RIC3: variants seen among roughly 807,000 people sequenced by gnomAD.
RIC3 encodes the protein protein RIC-3.
Under a neutral mutation model 27.3 loss-of-function variants are expected in RIC3, and 28 were observed. The observed-to-expected ratio is 1.02, with a 90% CI of 0.76 to 1.41. RIC3 has a LOEUF of 1.41. Among genes scored for constraint, RIC3 ranks in the 40% most tolerant of loss-of-function variants. The pLI is 0.00. For missense variants in RIC3, 501 were observed against 444.7 expected (o/e 1.13, Z -1.14); for synonymous variants, 184 against 160.4 (o/e 1.15, Z -1.11).
intron 4 of RIC3, among the ~76,000 whole-genome samples, chr11:8,130,046 T>G (rs1947499496): frequency 6.6e-6 from 1 of 152,256 alleles, no homozygotes; most frequent in Admixed American, 6.5e-5. Context: ...CCAGTTTGGC[T>G]GTAAATCTCC....
chr11:8,100,306 C>T, the RIC3 span, among the ~76,000 whole-genome samples: 157 of 152,210 alleles, frequency 1.0e-3, no homozygotes, highest in Non-Finnish European at 1.3e-3. Flanking sequence ...GCAAGGATGA[C>T]GCATAAGAGG....
rs555639960 is a variant in RIC3 at position 8,121,227 on chromosome 11, C to T, written c.670+5432G>A. On this transcript the variant is annotated intron_variant, in intron 5 of 5. Coordinates refer to ENST00000309737, the MANE Select transcript of RIC3 (RefSeq NM_001206671.4). Reference sequence around the variant, plus strand: ...AAAATTCCATATAATTTCAACAAAACCTAAAAGGTAGGTAGAGGGGGAACA... The same window carrying T: ...AAAATTCCATATAATTTCAACAAAATCTAAAAGGTAGGTAGAGGGGGAACA... 5.9e-5 allele frequency among the ~76,000 whole-genome samples: 9 copies of T among 152,124 alleles called. No homozygotes were observed. In the South Asian group the frequency reaches 1.7e-3, roughly 28 times the overall value.
intron 1 of RIC3, among the ~76,000 whole-genome samples, chr11:8,141,088 TA>T (rs1202871870): frequency 6.7e-6 from 1 of 148,228 alleles, no homozygotes; most frequent in African/African-American, 2.5e-5. Flanking sequence ...TGCCAAAATG[TA>T]AAGACCATCG....
chr11:8,145,109 A>T (rs1386211356), intron 1 of RIC3, among the ~76,000 whole-genome samples: 2 of 148,330 alleles, frequency 1.3e-5, no homozygotes, highest in African/African-American at 5.0e-5. Context: ...GCAGCGCACC[A>T]GCATGGCACA....
At chr11:8,133,315 G>A (rs955642788) in intron 4 of RIC3, among the ~76,000 whole-genome samples, 1 of 152,198 alleles carries the variant, frequency 6.6e-6, no homozygotes, top group Admixed American at 6.5e-5. Context: ...TACCCAGTCT[G>A]TGGTATTCAG....
the RIC3 span, chr11:8,097,827 G>A: frequency 1.9e-6 from 3 of 1,611,564 alleles, no homozygotes; most frequent in Non-Finnish European, 8.5e-7. Context: ...GGAAACTGCG[G>A]TACTAGCATT....
chr11:8,126,274 T>C (rs942499324), intron 5 of RIC3, among the ~76,000 whole-genome samples: 2 of 151,996 alleles, frequency 1.3e-5, no homozygotes, highest in Non-Finnish European at 2.9e-5. Flanking sequence ...AAGAAAAAAA[T>C]TTCAGATACA....
chr11:8,138,353 A>T lies in RIC3; in HGVS notation c.352-6T>A. 6.3e-7 allele frequency: 1 copy of T among 1,599,696 alleles called. No homozygotes were observed. The highest frequency in any genetic ancestry group is 8.6e-7 in the Non-Finnish European group (1 of 1,167,064). On this transcript the variant is annotated splice_region_variant and splice_polypyrimidine_tract_variant and intron_variant, in intron 2 of 5. Coordinates refer to ENST00000309737, the MANE Select transcript of RIC3 (RefSeq NM_001206671.4). ...GTTGTTTTCCCCTTTGAGAGCTGAGAATTGAAGGAGGTATAGCACATCAAC... is the reference window on the plus strand; with the variant it reads ...GTTGTTTTCCCCTTTGAGAGCTGAGTATTGAAGGAGGTATAGCACATCAAC...
At chr11:8,114,936 A>G (rs1006529788) in intron 5 of RIC3, among the ~76,000 whole-genome samples, 3 of 152,180 alleles carry the variant, frequency 2.0e-5, no homozygotes, top group Non-Finnish European at 4.4e-5. Flanking sequence ...CAGTTGGATG[A>G]GAAAAAAAGA....
intron 1 of RIC3, among the ~76,000 whole-genome samples, chr11:8,162,320 C>G (rs1951245957): frequency 6.6e-6 from 1 of 152,214 alleles, no homozygotes; most frequent in African/African-American, 2.4e-5. Context: ...GTCACAAGCA[C>G]CCTAACTGGT....
intron 5 of RIC3, among the ~76,000 whole-genome samples, chr11:8,119,789 C>T (rs1321437315): frequency 2.0e-5 from 3 of 152,172 alleles, no homozygotes; most frequent in Non-Finnish European, 4.4e-5. Flanking sequence ...TTTTTGCAAT[C>T]TACCCATCTG....
intron 1 of RIC3, among the ~76,000 whole-genome samples, chr11:8,159,229 A>G (rs1357618638): frequency 6.6e-6 from 1 of 152,204 alleles, no homozygotes; most frequent in Non-Finnish European, 1.5e-5. Context: ...GATATCCAAA[A>G]GAAGAGCATT....
chr11:8,117,870 A>T (rs994041115), intron 5 of RIC3, among the ~76,000 whole-genome samples: 5 of 152,114 alleles, frequency 3.3e-5, no homozygotes, highest in African/African-American at 4.8e-5. Flanking sequence ...GGAAAATCAA[A>T]TAATAACTCA....
intron 4 of RIC3, among the ~76,000 whole-genome samples, chr11:8,129,696 A>C (rs1185132268): frequency 3.9e-5 from 6 of 152,238 alleles, no homozygotes; most frequent in Non-Finnish European, 7.3e-5. Context: ...AGTACAGAGA[A>C]TTAAATAGAT....
chr11:8,157,461 C>A (rs187531819), intron 1 of RIC3, among the ~76,000 whole-genome samples: 1 of 152,316 alleles, frequency 6.6e-6, no homozygotes, highest in African/African-American at 2.4e-5. Flanking sequence ...TATTGAGATG[C>A]CCCACAATTC....
intron 1 of RIC3, among the ~76,000 whole-genome samples, chr11:8,141,748 A>C (rs1368250957): frequency 8.0e-5 from 12 of 150,342 alleles, no homozygotes; most frequent in South Asian, 2.1e-4. Context: ...CCACACCACA[A>C]CTATTCCAAA....
At chr11:8,140,449 A>C (rs1395352750) in intron 1 of RIC3, among the ~76,000 whole-genome samples, 1 of 152,150 alleles carries the variant, frequency 6.6e-6, no homozygotes, top group Non-Finnish European at 1.5e-5. Context: ...CATACAGTTA[A>C]ATGTGGCCAT....
At chr11:8,100,917 C>T in the RIC3 span, 1 of 1,614,184 alleles carries the variant, frequency 6.2e-7, no homozygotes, top group Non-Finnish European at 8.5e-7. Context: ...AATGATGACA[C>T]ACAGTCCTAT....
In RIC3 at chr11:8,168,846, G is replaced by A. The variant is rs1952007755; in HGVS notation, c.124+20C>T. On this transcript the variant is annotated intron_variant, in intron 1 of 5. Transcript: ENST00000309737. ...ACTCTTCGGCGCCGGGAAGCTCAGA[G>A]GGAGCTGGCCTGCTCTTACCTTCAG... 1 of 1,605,458 alleles carries A rather than the reference G, an allele frequency of 6.2e-7. No individual in the cohort carries two copies. Among genetic ancestry groups the A allele is most frequent in the Non-Finnish European group, 8.5e-7 (1 of 1,175,062 alleles).
Sources: gnomAD v4.1 joint callset for allele counts (sites outside exome capture counted in the v4.1 genomes callset) on GRCh38, gnomAD v4.1.1 for gene constraint, MANE v1.5 for transcripts, NCBI Gene and HGNC (gene_info 2026-07-23, HGNC 2026-07-21) for gene names.